The following CLCA4 variants were observed in gnomAD, a reference collection of about 807,000 sequenced individuals.
CLCA4 encodes the protein chloride channel accessory 4.
In CLCA4, 69 loss-of-function variants were observed where a neutral mutation model predicts 78.9. That is an observed-to-expected ratio of 0.87 (90% CI 0.72 to 1.07). The LOEUF (loss-of-function observed/expected upper bound fraction) is 1.07, where lower values mean the gene tolerates loss of function less well. Among genes scored for constraint, CLCA4 ranks in the 50% least tolerant of loss-of-function variants. CLCA4 has a pLI of 0.00. For synonymous variants in CLCA4, 362 were observed against 375.8 expected, an observed-to-expected ratio of 0.96 and a Z score of 0.42; for missense variants, 1,133 against 1,095.8, an observed-to-expected ratio of 1.03 and a Z score of -0.48.
intron 1 of CLCA4, among the ~76,000 whole-genome samples, chr1:86,552,236 G>A (rs1649686381): frequency 6.6e-6 from 1 of 152,120 alleles, no homozygotes; most frequent in South Asian, 2.1e-4. Flanking sequence ...ACAAAATATT[G>A]CCCAAAACAC....
intron 1 of CLCA4, among the ~76,000 whole-genome samples, chr1:86,550,259 G>A (rs763841217): frequency 7.2e-5 from 11 of 152,134 alleles, no homozygotes; most frequent in Non-Finnish European, 1.6e-4. Context: ...TAAATTTCAT[G>A]AGAAGATAAT....
intron 1 of CLCA4, among the ~76,000 whole-genome samples, chr1:86,559,210 T>C (rs1649939772): frequency 6.6e-6 from 1 of 152,204 alleles, no homozygotes; most frequent in South Asian, 2.1e-4. Flanking sequence ...GAGTTTATAG[T>C]TCTGAATATA....
rs1414123990 is a variant in CLCA4, at chr1:86,579,370, C to G, written c.2139C>G (p.Asn713Lys). 1.2e-6 allele frequency: 2 copies of G among 1,612,774 alleles called. No homozygotes were observed. The highest frequency in any genetic ancestry group is 1.7e-6 in the Non-Finnish European group (2 of 1,179,322). Residue 713 changes from asparagine (N) to lysine (K), a missense_variant, in exon 13 of 14, where the codon AAC becomes AAG. Physicochemically the swap from Asn to Lys is moderately conservative, Grantham distance 94. Transcript: ENST00000370563. ...TTAATGCAGGGGAAATTGAAGCAAA[C>G]CCGCCAAGACCTGAAATTGATGAGG... ...GWVVNGEIEA[N>K]PPRPEIDEDT...
intron 12 of CLCA4, among the ~76,000 whole-genome samples, 181 bp from the exon 13 acceptor site, chr1:86,579,173 A>G (rs1189549339): frequency 6.6e-6 from 1 of 152,076 alleles, no homozygotes; most frequent in Non-Finnish European, 1.5e-5. Context: ...CTGTCCTACA[A>G]TATCCTACCA....
At chr1:86,556,580 G>A (rs114146780) in intron 1 of CLCA4, among the ~76,000 whole-genome samples, 1,855 of 152,114 alleles carry the variant, frequency 0.012, 42 homozygotes, top group African/African-American at 0.042. Flanking sequence ...TGCTGGATTC[G>A]GTTTGCCAGT....
chr1:86,568,816 C>A (rs934026184), intron 7 of CLCA4, among the ~76,000 whole-genome samples: 7 of 151,936 alleles, frequency 4.6e-5, no homozygotes, highest in African/African-American at 1.7e-4. Flanking sequence ...CTTCATGTAG[C>A]TTCCCATTTA....
chr1:86,564,345 C>G (rs1163367603), intron 4 of CLCA4, among the ~76,000 whole-genome samples: 1 of 152,166 alleles, frequency 6.6e-6, no homozygotes, highest in Non-Finnish European at 1.5e-5. Flanking sequence ...GGACTTGACA[C>G]TAATGTGAGA....
Position 86,547,079 on chromosome 1 carries a change from A to G in CLCA4, c.-41A>G. 2 of 1,575,934 alleles carry G rather than the reference A, an allele frequency of 1.3e-6. No individual in the cohort carries two copies. The highest frequency in any genetic ancestry group is 1.7e-6 in the Non-Finnish European group (2 of 1,169,040). ...AGAGAAAGAAAAGAAAAGCCTCTTG[A>G]ACAAACCAACATTTGAGCCAGGAAT... On this transcript the variant is annotated 5_prime_UTR_variant, in exon 1 of 14. Transcript: ENST00000370563.
chr1:86,571,097 C>A lies in CLCA4; in HGVS notation c.1203C>A (p.Ser401=), dbSNP rs1650336784. Residue 401 remains serine (S), a synonymous_variant, in exon 8 of 14, where the codon TCC becomes TCA. Transcript: ENST00000370563. ...YAFQVIGELH[S]QLDGSEVLLL... ...TGCAGGTGATTGGAGAGCTACATTC[C>A]CAACTCGATGGATCCGAAGTACTGC... 1.2e-6 allele frequency: 2 copies of A among 1,610,974 alleles called. No individual in the cohort carries two copies. The highest frequency in any genetic ancestry group is 1.7e-6 in the Non-Finnish European group (2 of 1,177,868).
rs140395034 is a variant in CLCA4 at position 86,551,981 on chromosome 1, C to T, written c.159+4703C>T. 4.9e-4 allele frequency among the ~76,000 whole-genome samples: 75 copies of T among 152,102 alleles called. 1 individual carries two copies. Among genetic ancestry groups the T allele is most frequent in the Middle Eastern group, 6.8e-3 (2 of 294 alleles). ...CACAGAACATAATGGAGAAGTATTG[C>T]ACGCACATTTAAAGTAAAACATGAT... On this transcript the variant is annotated intron_variant, in intron 1 of 13. Transcript: ENST00000370563.
intron 1 of CLCA4, among the ~76,000 whole-genome samples, chr1:86,548,213 C>T (rs1319309201): frequency 2.6e-5 from 4 of 152,060 alleles, no homozygotes; most frequent in Non-Finnish European, 1.5e-5. Context: ...ACCACTTTTT[C>T]ATATACTTGT....
At position 86,580,371 on chromosome 1, in the gene CLCA4, A is replaced by G; in HGVS notation, c.*26A>G. 1 of 1,523,160 alleles carries G rather than the reference A, an allele frequency of 6.6e-7. No individual in the cohort carries two copies. The highest frequency in any genetic ancestry group is 8.8e-7 in the Non-Finnish European group (1 of 1,137,984). 94.4% of individuals were successfully genotyped at this position (1,523,160 alleles called of 1,614,324 possible). A position where few individuals can be genotyped will look rare whatever the true frequency, so the allele number is the denominator to read the frequency against. ...ACCTTAACGAAGAAAAAAATCTTCA[A>G]GTAGACCTAGAAGAGAGTTTTAAAA... On this transcript the variant is annotated 3_prime_UTR_variant, in exon 14 of 14. Transcript: ENST00000370563.
chr1:86,557,315 G>A (rs912795848), intron 1 of CLCA4, among the ~76,000 whole-genome samples: 13 of 151,778 alleles, frequency 8.6e-5, no homozygotes, highest in South Asian at 2.1e-4. Flanking sequence ...TGTTAATTTC[G>A]GATCTTTCTA....
chr1:86,573,718 A>G (rs1326113764), intron 9 of CLCA4, among the ~76,000 whole-genome samples: 1 of 152,076 alleles, frequency 6.6e-6, no homozygotes, highest in Non-Finnish European at 1.5e-5. Context: ...GAAGGATAAT[A>G]AAGGTCATTT....
At chr1:86,570,573 T>G (rs755753017) in intron 7 of CLCA4, among the ~76,000 whole-genome samples, 1 of 152,064 alleles carries the variant, frequency 6.6e-6, no homozygotes, top group Non-Finnish European at 1.5e-5. Context: ...CTTAGAACTT[T>G]CCATATTTTT....
At chr1:86,579,223 C>A in intron 12 of CLCA4, 131 bp from the exon 13 acceptor site, 3 of 706,300 alleles carry the variant, frequency 4.2e-6, no homozygotes, top group South Asian at 1.9e-5. Context: ...TTATGATTGT[C>A]ACAAAACTTA....
chr1:86,549,426 C>T (rs988339006), intron 1 of CLCA4, among the ~76,000 whole-genome samples: 4 of 152,132 alleles, frequency 2.6e-5, no homozygotes, highest in Non-Finnish European at 1.5e-5. Context: ...GATGAAAATC[C>T]ATAGGAGGAT....
Position 86,580,132 on chromosome 1 carries a change from T to C in CLCA4, c.2547T>C (p.Asp849=). The C allele has an allele frequency of 6.2e-7, 1 of 1,612,736 alleles. No homozygotes were observed. The highest frequency in any genetic ancestry group is 2.2e-5 in the East Asian group (1 of 44,778). ...TATTTATTGCCATTAAAAGTATAGA[T>C]AAAAGCAATTTGACATCAAAAGTAT... The part of the protein sequence containing the change: ...THIFIAIKSI[D]KSNLTSKVSN... Residue 849 remains aspartate, a synonymous_variant, in exon 14 of 14, where the codon GAT becomes GAC. Coordinates refer to ENST00000370563, the MANE Select transcript of CLCA4 (RefSeq NM_012128.4).
At chr1:86,552,293 T>G (rs1385309212) in intron 1 of CLCA4, among the ~76,000 whole-genome samples, 1 of 151,614 alleles carries the variant, frequency 6.6e-6, no homozygotes, top group Non-Finnish European at 1.5e-5. Flanking sequence ...GTAAAGGAGG[T>G]TGATGCAGCT....
Sources: allele counts gnomAD v4.1 joint callset (sites outside exome capture counted in the v4.1 genomes callset), GRCh38; gene constraint gnomAD v4.1.1; transcripts MANE v1.5; gene names NCBI Gene and HGNC (gene_info 2026-07-23, HGNC 2026-07-21).